ZNF516: variants seen among roughly 807,000 people sequenced by gnomAD.
The protein encoded by ZNF516 is zinc finger protein 516.
ZNF516 carries 19 observed loss-of-function variants against 79.7 expected under a neutral mutation model. That is an observed-to-expected ratio of 0.24 (90% confidence interval 0.17 to 0.35). The LOEUF (loss-of-function observed/expected upper bound fraction) is 0.35. ZNF516 is among the 10% of genes least tolerant of loss of function. ZNF516 has a pLI of 1.00. For missense variants in ZNF516, 1,678 were observed against 1,679.5 expected, an observed-to-expected ratio of 1.00 and a Z score of 0.02; for synonymous variants, 877 against 739.5, an observed-to-expected ratio of 1.19 and a Z score of -3.02.
chr18:76,396,001 C>T (rs1877123200), intron 3 of ZNF516, among the ~76,000 whole-genome samples: 1 of 152,178 alleles, frequency 6.6e-6, no homozygotes, highest in African/African-American at 2.4e-5. Context: ...AGGTGATCCA[C>T]GTACAACCTG....
chr18:76,442,629 C>A lies in ZNF516; in HGVS notation c.426G>T (p.Gly142=). 6.3e-7 allele frequency: 1 copy of A among 1,595,660 alleles called. No individual in the cohort carries two copies. The highest frequency in any genetic ancestry group is 8.5e-7 in the Non-Finnish European group (1 of 1,177,582). The change falls in exon 3 of 7, where the codon GGG becomes GGT. Residue 142 remains glycine, a synonymous_variant. Transcript: ENST00000443185. ...CTCTGCCGCTGTCGGCCTGCGAGGC[C>A]CCGTTCAGGACCCTGGCGCCGTCGG... ...SQADGARVLN[G]ASQADSGRVL... is the part of the protein sequence containing the mutation.
chr18:76,473,496 A>G (rs111361463), intron 1 of ZNF516, among the ~76,000 whole-genome samples: 5 of 152,156 alleles, frequency 3.3e-5, no homozygotes, highest in African/African-American at 1.2e-4. Flanking sequence ...TGTGGTCAAA[A>G]AAGGCAATTA....
intron 2 of ZNF516, among the ~76,000 whole-genome samples, chr18:76,447,611 T>C (rs1184039578): frequency 2.0e-5 from 3 of 152,192 alleles, no homozygotes; most frequent in Non-Finnish European, 4.4e-5. Context: ...ACAACACAGA[T>C]GCTCAGAGCC....
chr18:76,388,626 A>G (rs959736571), intron 3 of ZNF516: 4 of 152,264 alleles, frequency 2.6e-5, no homozygotes, highest in African/African-American at 9.7e-5. Flanking sequence ...TGACACTCAG[A>G]GATGAGGGAG....
At position 76,460,815 on chromosome 18, in the gene ZNF516, A is replaced by G. The variant is rs1014669551; in HGVS notation, c.-158+2213T>C. Among the ~76,000 whole-genome samples, 30 of 152,230 alleles carry G rather than the reference A, an allele frequency of 2.0e-4. 1 individual carries two copies. The highest frequency in any genetic ancestry group is 5.9e-5 in the Non-Finnish European group (4 of 68,044). On this transcript the variant is annotated intron_variant, in intron 2 of 6. Transcript: ENST00000443185. The stretch of plus-strand genomic sequence containing the variant: ...TCCCAAACCGGAGAAGCCATGCCAC[A>G]TGATCGCCTCGCTTGTTCATGGCGG...
intron 2 of ZNF516, among the ~76,000 whole-genome samples, chr18:76,454,381 A>C (rs1193687833): frequency 5.3e-5 from 8 of 152,242 alleles, no homozygotes; most frequent in Non-Finnish European, 4.4e-5. Context: ...GATTTTGTTT[A>C]TCATTGTACA....
upstream of ZNF516, chr18:76,495,698 A>G: frequency 2.5e-6 from 3 of 1,191,580 alleles, no homozygotes; most frequent in Non-Finnish European, 3.2e-6. Flanking sequence ...ATACGTACAG[A>G]CGTGCTCGGG....
rs530195542 is a variant in ZNF516 at position 76,379,241 on chromosome 18, G to T, written c.2873C>A (p.Ala958Glu). 1 of 1,612,640 alleles carries T rather than the reference G, an allele frequency of 6.2e-7. No individual in the cohort carries two copies. Among genetic ancestry groups the T allele is most frequent in the Admixed American group, 1.7e-5 (1 of 60,024 alleles). The stretch of plus-strand genomic sequence containing the variant: ...ATTTGTGGGGGCAAAGCCAGCCCCC[G>T]CTGGGGGGACCCCAAACTTCTCCAC... ...KPVEKFGVPPAGAGFAPTNKH... is the reference protein window; with the variant it reads ...KPVEKFGVPPEGAGFAPTNKH... The change falls in exon 4 of 7, where the codon GCG becomes GAG. Residue 958 changes from alanine (A) to glutamate (E), a missense_variant. Transcript: ENST00000443185.
chr18:76,365,660 G>A (rs1568228070), intron 6 of ZNF516, among the ~76,000 whole-genome samples: 2 of 152,164 alleles, frequency 1.3e-5, no homozygotes, highest in South Asian at 4.1e-4. Flanking sequence ...GAGGATCAGC[G>A]GTCCTTGATA....
intron 1 of ZNF516, among the ~76,000 whole-genome samples, chr18:76,465,685 C>T (rs1412594323): frequency 2.0e-5 from 3 of 152,186 alleles, no homozygotes; most frequent in East Asian, 1.9e-4. Context: ...CTCCCGGGAA[C>T]GATAACCCTG....
chr18:76,479,464 T>C (rs940785459), intron 1 of ZNF516, among the ~76,000 whole-genome samples: 1 of 152,206 alleles, frequency 6.6e-6, no homozygotes, highest in Non-Finnish European at 1.5e-5. Context: ...CAGCTCCCCA[T>C]TGTCCAAAGG....
intron 1 of ZNF516, among the ~76,000 whole-genome samples, chr18:76,489,233 C>CT (rs1352534037): frequency 1.3e-5 from 2 of 152,226 alleles, no homozygotes; most frequent in African/African-American, 2.4e-5. Context: ...ACCCAATACA[C>CT]TGAGTACTGG....
At chr18:76,375,230 C>G (rs1359480347) in intron 4 of ZNF516, among the ~76,000 whole-genome samples, 1 of 152,166 alleles carries the variant, frequency 6.6e-6, no homozygotes, top group Admixed American at 6.6e-5. Flanking sequence ...AACAAACATT[C>G]AAGTAAGGAG....
At chr18:76,396,011 G>T (rs941121841) in intron 3 of ZNF516, among the ~76,000 whole-genome samples, 1 of 152,202 alleles carries the variant, frequency 6.6e-6, no homozygotes, top group Non-Finnish European at 1.5e-5. Flanking sequence ...CGTACAACCT[G>T]AAGTATGAGA....
rs1555714176 is a variant in ZNF516 at position 76,450,185 on chromosome 18, G to GGA, written c.-157-6975_-157-6974insTC. 3.1e-3 allele frequency among the ~76,000 whole-genome samples: 55 copies of GGA among 18,030 alleles called. 1 individual carries two copies. In the East Asian group the frequency reaches 0.035, roughly 12 times the overall value. 11.8% of individuals were successfully genotyped at this position (18,030 alleles called of 152,430 possible). On this transcript the variant is annotated intron_variant, in intron 2 of 6. Transcript: ENST00000443185. ...AATGTTAACAACTCATGAAACTAAAGGGGGGGGGGTGTTTATTTCTAACTC... is the reference window on the plus strand; with the variant it reads ...AATGTTAACAACTCATGAAACTAAAGGAGGGGGGGGGTGTTTATTTCTAACTC...
intron 3 of ZNF516, among the ~76,000 whole-genome samples, chr18:76,383,719 T>C (rs2074932702): frequency 6.6e-6 from 1 of 152,194 alleles, no homozygotes; most frequent in South Asian, 2.1e-4. Flanking sequence ...TCAGGGCCAC[T>C]GAAACAGCAA....
Position 76,398,220 on chromosome 18 carries a change from A to G in ZNF516, c.1811-17917T>C, listed in dbSNP as rs942463034. 3.9e-5 allele frequency among the ~76,000 whole-genome samples: 6 copies of G among 152,308 alleles called. No homozygotes were observed. In the East Asian group the frequency reaches 9.7e-4, roughly 25 times the overall value. ...CGAATTCAAGTTGGCTTTCACGGCT[A>G]CTCTACACCTTACACACCTTCCTTC... On this transcript the variant is annotated intron_variant, in intron 3 of 6. Transcript: ENST00000443185.
chr18:76,423,020 G>A (rs1442533173), intron 3 of ZNF516, among the ~76,000 whole-genome samples: 8 of 152,136 alleles, frequency 5.3e-5, no homozygotes, highest in Admixed American at 5.2e-4. Flanking sequence ...CCTGGAGTTT[G>A]CATGGAGACC....
chr18:76,405,681 G>A (rs1418743674), intron 3 of ZNF516, among the ~76,000 whole-genome samples: 3 of 151,826 alleles, frequency 2.0e-5, no homozygotes, highest in Non-Finnish European at 4.4e-5. Flanking sequence ...AGACATCCAC[G>A]GTCATCAGGC....
Sources: allele counts gnomAD v4.1 joint callset (sites outside exome capture counted in the v4.1 genomes callset), GRCh38; gene constraint gnomAD v4.1.1; transcripts MANE v1.5; gene names NCBI Gene and HGNC (gene_info 2026-07-23, HGNC 2026-07-21).